The following SAMD5 variants were observed in gnomAD, a reference collection of about 807,000 sequenced individuals.
SAMD5 encodes the protein sterile alpha motif domain containing 5, also known as sterile alpha motif domain-containing protein 5.
In SAMD5, 13 loss-of-function variants were observed where a neutral mutation model predicts 11.3. The ratio of observed to expected loss-of-function variants is 1.15; its 90% CI spans 0.75 to 1.83. The LOEUF is 1.83. Ranked by LOEUF, SAMD5 falls within the 40% of genes most tolerant of loss-of-function variation. The probability of loss-of-function intolerance (pLI) is 0.00; values close to 1 mark genes in which losing one functional copy is unlikely to be tolerated. For missense variants in SAMD5, 255 were observed against 239.1 expected, an observed-to-expected ratio of 1.07 and a Z score of -0.44; for synonymous variants, 129 against 111.3, an observed-to-expected ratio of 1.16 and a Z score of -1.00.
intron 1 of SAMD5, among the ~76,000 whole-genome samples, chr6:147,598,284 C>G (rs911108034): frequency 4.6e-5 from 7 of 152,014 alleles, no homozygotes; most frequent in African/African-American, 1.7e-4. Context: ...ACCACCACAC[C>G]TGGCTAATTT....
chr6:147,739,267 A>G (rs1791845975), downstream of SAMD5, among the ~76,000 whole-genome samples: 1 of 152,204 alleles, frequency 6.6e-6, no homozygotes, highest in Non-Finnish European at 1.5e-5. Flanking sequence ...GCCAAAGAAT[A>G]TTTGAATAGC....
rs1325486091 is a variant in SAMD5, at chr6:147,567,728, C to T, written c.*3272C>T. 1 of 985,182 alleles carries T rather than the reference C, an allele frequency of 1.0e-6. No homozygotes were observed. The highest frequency in any genetic ancestry group is 1.1e-4 in the East Asian group (1 of 8,824). 61.0% of individuals were successfully genotyped at this position (985,182 alleles called of 1,614,324 possible). A position where few individuals can be genotyped will look rare whatever the true frequency, so the allele number is the denominator to read the frequency against. ...CTTAAAGCTGACTAGAAAACTCAGACATAAATTGACATTTCCTTATCATTG... is the reference window on the plus strand; with the variant it reads ...CTTAAAGCTGACTAGAAAACTCAGATATAAATTGACATTTCCTTATCATTG... On this transcript the variant is annotated 3_prime_UTR_variant, in exon 2 of 2. Coordinates refer to ENST00000367474, the MANE Select transcript of SAMD5 (RefSeq NM_001030060.3).
intron 1 of SAMD5, among the ~76,000 whole-genome samples, chr6:147,686,003 T>C (rs1366160354): frequency 6.6e-6 from 1 of 152,230 alleles, no homozygotes; most frequent in Non-Finnish European, 1.5e-5. Context: ...GCAACTGATA[T>C]TTGCGTTGTG....
intron 1 of SAMD5, among the ~76,000 whole-genome samples, chr6:147,533,287 C>T (rs1788457280): frequency 6.6e-6 from 1 of 151,670 alleles, no homozygotes; most frequent in Non-Finnish European, 1.5e-5. Flanking sequence ...ACCTACTGAT[C>T]AAGCAGAGAG....
intron 1 of SAMD5, among the ~76,000 whole-genome samples, chr6:147,705,038 T>G (rs1434948775): frequency 6.6e-6 from 1 of 152,200 alleles, no homozygotes; most frequent in African/African-American, 2.4e-5. Flanking sequence ...ATTGGAACAC[T>G]TGTGCATAAA....
chr6:147,916,944 T>G, the SAMD5 span, among the ~76,000 whole-genome samples: 1 of 150,122 alleles, frequency 6.7e-6, no homozygotes, highest in Non-Finnish European at 1.5e-5. Context: ...ATTTTCTTAA[T>G]CTAGTCTATC....
At chr6:147,924,142 G>A in the SAMD5 span, among the ~76,000 whole-genome samples, 1 of 152,158 alleles carries the variant, frequency 6.6e-6, no homozygotes, top group Non-Finnish European at 1.5e-5. Context: ...GGGTGGGGAA[G>A]TGGGACCTTG....
At chr6:147,904,852 C>T in the SAMD5 span, among the ~76,000 whole-genome samples, 1 of 151,256 alleles carries the variant, frequency 6.6e-6, no homozygotes, top group Non-Finnish European at 1.5e-5. Flanking sequence ...TAGAACATAA[C>T]TCAAAACTAA....
chr6:147,527,836 A>G (rs1260730063), intron 1 of SAMD5, among the ~76,000 whole-genome samples: 1 of 152,188 alleles, frequency 6.6e-6, no homozygotes, highest in African/African-American at 2.4e-5. Context: ...TTATAAAGAA[A>G]AGAGGTTTAA....
the SAMD5 span, among the ~76,000 whole-genome samples, chr6:147,748,132 T>C: frequency 2.6e-5 from 4 of 152,184 alleles, no homozygotes; most frequent in African/African-American, 7.2e-5. Context: ...TGGTAAGTGT[T>C]CAAAAATTGC....
chr6:147,598,321 C>T lies in SAMD5; in HGVS notation c.162+88934C>T, dbSNP rs1789566405. On this transcript the variant is annotated intron_variant, in intron 1 of 1. Coordinates refer to the SAMD5 transcript ENST00000566741. ...TGTATTTTTTGTAGAGACAGGGTTG[C>T]ACCATGTTTCCCAGCTGGTCTCCAA... Among the ~76,000 whole-genome samples the T allele has an allele frequency of 2.6e-5, 4 of 151,972 alleles. No homozygotes were observed. In the South Asian group the frequency reaches 8.3e-4, roughly 32 times the overall value.
the SAMD5 span, among the ~76,000 whole-genome samples, chr6:147,765,224 T>C: frequency 6.6e-6 from 1 of 152,210 alleles, no homozygotes; most frequent in East Asian, 1.9e-4. Flanking sequence ...TTTTGTGTTT[T>C]CAAAGTATGA....
intron 1 of SAMD5, among the ~76,000 whole-genome samples, chr6:147,610,668 C>T (rs777390231): frequency 3.9e-5 from 6 of 152,098 alleles, no homozygotes; most frequent in Admixed American, 2.0e-4. Flanking sequence ...TCCTGATTGG[C>T]CTCAGTCTCA....
chr6:147,509,603 G>A (rs1422594603), intron 1 of SAMD5, among the ~76,000 whole-genome samples: 1 of 152,158 alleles, frequency 6.6e-6, no homozygotes, highest in Non-Finnish European at 1.5e-5. Flanking sequence ...CCCGCATCCA[G>A]ATGTTATCTC....
At chr6:147,763,386 A>C in the SAMD5 span, among the ~76,000 whole-genome samples, 1 of 147,174 alleles carries the variant, frequency 6.8e-6, no homozygotes, top group South Asian at 2.2e-4. Context: ...CTGGTCTTGA[A>C]CTCCTGACCT....
At chr6:147,636,990 A>C (rs1790239985) in intron 1 of SAMD5, among the ~76,000 whole-genome samples, 1 of 152,084 alleles carries the variant, frequency 6.6e-6, no homozygotes, top group Admixed American at 6.6e-5. Flanking sequence ...ATAACGATCT[A>C]GCCAAGTGAG....
chr6:147,582,741 T>C (rs1389774450), intron 1 of SAMD5, among the ~76,000 whole-genome samples: 1 of 152,226 alleles, frequency 6.6e-6, no homozygotes, highest in Non-Finnish European at 1.5e-5. Flanking sequence ...TGGAAGTGCA[T>C]GATTCTAATT....
intron 1 of SAMD5, among the ~76,000 whole-genome samples, chr6:147,698,782 G>A (rs1236816562): frequency 2.0e-5 from 3 of 152,190 alleles, no homozygotes; most frequent in African/African-American, 7.2e-5. Flanking sequence ...CAAGACTGTT[G>A]AGAATTGTGA....
chr6:147,703,997 G>A (rs187863614), intron 1 of SAMD5, among the ~76,000 whole-genome samples: 4 of 152,178 alleles, frequency 2.6e-5, no homozygotes, highest in Admixed American at 6.5e-5. Flanking sequence ...CTGGGTTCAC[G>A]CCATTCTCCT....
Sources: allele counts gnomAD v4.1 joint callset (sites outside exome capture counted in the v4.1 genomes callset), GRCh38; gene constraint gnomAD v4.1.1; transcripts MANE v1.5; gene names NCBI Gene and HGNC (gene_info 2026-07-23, HGNC 2026-07-21).